Variants in CSMD1 observed in about 807,000 individuals in gnomAD.
CSMD1 encodes the protein CUB and sushi domain-containing protein 1.
A neutral mutation model predicts 417.5 loss-of-function variants in CSMD1; 213 were observed. The observed-to-expected ratio is 0.51, with a 90% CI of 0.46 to 0.57. The LOEUF (loss-of-function observed/expected upper bound fraction) is 0.57, where lower values mean the gene tolerates loss of function less well. CSMD1 is among the 20% of genes least tolerant of loss of function. The probability of loss-of-function intolerance (pLI) is 0.00; values close to 1 mark genes in which losing one functional copy is unlikely to be tolerated. For missense variants in CSMD1, 6,923 were observed against 4,529.7 expected (o/e 1.53, Z -15.17); for synonymous variants, 2,862 against 1,736.8 (o/e 1.65, Z -16.11).
intron 5 of CSMD1, among the ~76,000 whole-genome samples, chr8:3,873,423 G>C (rs886387395): frequency 1.3e-5 from 2 of 152,096 alleles, no homozygotes; most frequent in Non-Finnish European, 2.9e-5. Flanking sequence ...TGGAACTGGA[G>C]GCCATTATCT....
chr8:2,974,703 C>G, intron 55 of CSMD1, 79 bp from the exon 56 acceptor site: 1 of 983,032 alleles, frequency 1.0e-6, no homozygotes. Flanking sequence ...CATACAGACA[C>G]CCATACTGAC....
At chr8:3,567,325 C>T (rs1461778733) in intron 10 of CSMD1, among the ~76,000 whole-genome samples, 2 of 151,854 alleles carry the variant, frequency 1.3e-5, no homozygotes, top group Non-Finnish European at 2.9e-5. Flanking sequence ...GGGTACTGGG[C>T]TTAATACCTG....
chr8:3,600,131 A>G (rs1801291404), intron 8 of CSMD1, among the ~76,000 whole-genome samples: 1 of 152,194 alleles, frequency 6.6e-6, no homozygotes, highest in Non-Finnish European at 1.5e-5. Context: ...TTTAAGACAC[A>G]CACACACATA....
At chr8:2,998,867 G>C (rs1321752720) in intron 53 of CSMD1, among the ~76,000 whole-genome samples, 1 of 152,024 alleles carries the variant, frequency 6.6e-6, no homozygotes, top group Non-Finnish European at 1.5e-5. Context: ...CATTTATCTT[G>C]TCAACAATTT....
chr8:4,488,738 A>G (rs1044228379), intron 2 of CSMD1, among the ~76,000 whole-genome samples: 1 of 152,070 alleles, frequency 6.6e-6, no homozygotes, highest in African/African-American at 2.4e-5. Context: ...CCAGCACCAA[A>G]TGGGCCCTCA....
intron 5 of CSMD1, among the ~76,000 whole-genome samples, chr8:3,891,089 T>C (rs1489428727): frequency 6.6e-6 from 1 of 152,016 alleles, no homozygotes; most frequent in African/African-American, 2.4e-5. Context: ...CACTCTGTCA[T>C]CCAGGCTGGA....
chr8:3,978,980 T>A (rs1468164019), intron 5 of CSMD1, among the ~76,000 whole-genome samples: 1 of 152,220 alleles, frequency 6.6e-6, no homozygotes, highest in African/African-American at 2.4e-5. Flanking sequence ...CCTAGAAGCT[T>A]GCATTTTACA....
At chr8:3,308,533 G>GAACTC in intron 23 of CSMD1, 30 bp from the exon 24 acceptor site, 2 of 1,566,422 alleles carry the variant, frequency 1.3e-6, no homozygotes, top group Non-Finnish European at 1.7e-6. Context: ...GGAATGAACA[G>GAACTC]AACTCAAGGG....
intron 3 of CSMD1, among the ~76,000 whole-genome samples, chr8:4,305,565 G>A (rs1250327713): frequency 1.3e-5 from 2 of 152,110 alleles, no homozygotes; most frequent in South Asian, 2.1e-4. Context: ...TGGAATAACA[G>A]GAAAGAATGA....
At chr8:3,549,310 C>A (rs182048170) in intron 10 of CSMD1, among the ~76,000 whole-genome samples, 133 of 152,354 alleles carry the variant, frequency 8.7e-4, no homozygotes, top group Non-Finnish European at 1.4e-3. Flanking sequence ...CATTTATTAT[C>A]TTGCCCTTTA....
chr8:4,070,994 G>A (rs1342064701), intron 3 of CSMD1, among the ~76,000 whole-genome samples: 3 of 152,096 alleles, frequency 2.0e-5, no homozygotes, highest in Admixed American at 2.0e-4. Context: ...TGTATGTAAT[G>A]CGTCCATTTT....
At chr8:4,186,873 G>A (rs1462249208) in intron 3 of CSMD1, among the ~76,000 whole-genome samples, 1 of 151,328 alleles carries the variant, frequency 6.6e-6, no homozygotes, top group Non-Finnish European at 1.5e-5. Context: ...TTGAGTGCCT[G>A]TAGTCCCAGC....
intron 5 of CSMD1, among the ~76,000 whole-genome samples, chr8:3,783,390 G>A (rs940517270): frequency 6.6e-6 from 1 of 152,216 alleles, no homozygotes; most frequent in Non-Finnish European, 1.5e-5. Context: ...TGCCCCTGGG[G>A]TGACCCACGG....
intron 3 of CSMD1, among the ~76,000 whole-genome samples, chr8:4,343,664 C>G (rs529813546): frequency 2.6e-5 from 4 of 152,136 alleles, no homozygotes; most frequent in Non-Finnish European, 5.9e-5. Flanking sequence ...GAGACAAAGT[C>G]TGTGTCTGGT....
intron 3 of CSMD1, among the ~76,000 whole-genome samples, chr8:4,247,061 G>C (rs757137411): frequency 1.3e-5 from 2 of 152,104 alleles, no homozygotes; most frequent in South Asian, 2.1e-4. Flanking sequence ...AAGTGAAGAA[G>C]ACATCCAAGG....
At chr8:4,345,726 A>C (rs1400693882) in intron 3 of CSMD1, among the ~76,000 whole-genome samples, 1 of 152,142 alleles carries the variant, frequency 6.6e-6, no homozygotes, top group African/African-American at 2.4e-5. Context: ...ATGAATTATC[A>C]AGAAAATGCA....
chr8:3,792,482 G>C (rs1799807197), intron 5 of CSMD1, among the ~76,000 whole-genome samples: 1 of 152,066 alleles, frequency 6.6e-6, no homozygotes, highest in African/African-American at 2.4e-5. Flanking sequence ...TGCCTTAAAT[G>C]CCAAAGCGTT....
chr8:4,417,305 G>A (rs767486789), intron 3 of CSMD1, among the ~76,000 whole-genome samples: 1 of 151,924 alleles, frequency 6.6e-6, no homozygotes, highest in Non-Finnish European at 1.5e-5. Flanking sequence ...ATAGTTCCAT[G>A]TGTGAATAAT....
In CSMD1 at chr8:4,912,135, A is replaced by AAAAAAAG. The variant is rs1554518070; in HGVS notation, c.85+82190_85+82196dup. ...TCAACATAGCTTCAAAAAAAAAAAAAAAAAAAGAAAGAAAGAAAAGAAAAG... is the reference window on the plus strand; with the variant it reads ...TCAACATAGCTTCAAAAAAAAAAAAAAAAAAAGAAAAAAGAAAGAAAGAAAAGAAAAG... On this transcript the variant is annotated intron_variant, in intron 1 of 69. Coordinates refer to ENST00000635120, the MANE Select transcript of CSMD1 (RefSeq NM_033225.6). Among the ~76,000 whole-genome samples, 114 of 115,624 alleles carry AAAAAAAG rather than the reference A, an allele frequency of 9.9e-4. 2 individuals are homozygous for AAAAAAAG. Among genetic ancestry groups the AAAAAAAG allele is most frequent in the African/African-American group, 1.8e-3 (62 of 34,322 alleles). 75.9% of individuals were successfully genotyped at this position (115,624 alleles called of 152,430 possible).
Sources: gnomAD v4.1 joint callset for allele counts (sites outside exome capture counted in the v4.1 genomes callset) on GRCh38, gnomAD v4.1.1 for gene constraint, MANE v1.5 for transcripts, NCBI Gene and HGNC (gene_info 2026-07-23, HGNC 2026-07-21) for gene names.